PKN2: variants seen among roughly 807,000 people sequenced by gnomAD.
PKN2 encodes serine/threonine-protein kinase N2.
In PKN2, 38 loss-of-function variants were observed where a neutral mutation model predicts 119.1. The observed-to-expected ratio is 0.32, with a 90% confidence interval of 0.25 to 0.42. The LOEUF (loss-of-function observed/expected upper bound fraction) is 0.42. Ranked by LOEUF, PKN2 falls within the 10% of genes least tolerant of loss-of-function variation. The probability of loss-of-function intolerance (pLI) is 1.00; values close to 1 mark genes in which losing one functional copy is unlikely to be tolerated. For synonymous variants in PKN2, 390 were observed against 384.9 expected (o/e 1.01, Z -0.15); for missense variants, 850 against 1,165.1 (o/e 0.73, Z 3.94).
At chr1:88,714,829 G>A (rs1244419458) in intron 1 of PKN2, among the ~76,000 whole-genome samples, 23 of 152,198 alleles carry the variant, frequency 1.5e-4, no homozygotes, top group Admixed American at 1.5e-3. Context: ...AGTGGTGAGA[G>A]AGGGCATCCC....
intron 3 of PKN2, among the ~76,000 whole-genome samples, chr1:88,766,424 C>T (rs528114260): frequency 6.6e-6 from 1 of 152,244 alleles, no homozygotes; most frequent in East Asian, 1.9e-4. Context: ...CCCACTATAG[C>T]TTGCAAAACA....
chr1:88,798,450 G>C (rs1260492155), intron 8 of PKN2, among the ~76,000 whole-genome samples: 1 of 152,036 alleles, frequency 6.6e-6, no homozygotes, highest in Non-Finnish European at 1.5e-5. Flanking sequence ...GAAACGTGGA[G>C]ATGAAACATT....
intron 8 of PKN2, among the ~76,000 whole-genome samples, chr1:88,791,452 G>A (rs907496755): frequency 2.0e-5 from 3 of 151,670 alleles, no homozygotes; most frequent in Non-Finnish European, 2.9e-5. Context: ...AAAGCTGTGT[G>A]TGTGGAGTTG....
intron 15 of PKN2, among the ~76,000 whole-genome samples, chr1:88,809,212 C>A (rs1671684486): frequency 6.6e-6 from 1 of 152,070 alleles, no homozygotes; most frequent in African/African-American, 2.4e-5. Context: ...ATATCTAATA[C>A]TAAAGAGCTT....
intron 6 of PKN2, among the ~76,000 whole-genome samples, chr1:88,774,406 C>T (rs1670007031): frequency 6.6e-6 from 1 of 152,126 alleles, no homozygotes; most frequent in Non-Finnish European, 1.5e-5. Context: ...ATCATTCTTT[C>T]TGGCATGGCC....
chr1:88,771,867 G>A lies in PKN2; in HGVS notation c.973G>A (p.Ala325Thr). 2 of 1,610,894 alleles carry A rather than the reference G, an allele frequency of 1.2e-6. No homozygotes were observed. The highest frequency in any genetic ancestry group is 1.7e-6 in the Non-Finnish European group (2 of 1,177,236). ...QNQYSTLSKP[A>T]ALTGTLEVRL... Reference sequence around the variant, plus strand: ...TCAATATAGTACACTATCCAAACCAGCAGCACTAACAGGTATGTAGTGTAT... The same window carrying A: ...TCAATATAGTACACTATCCAAACCAACAGCACTAACAGGTATGTAGTGTAT... The change falls in exon 6 of 22, where the codon GCA becomes ACA. Residue 325 changes from alanine to threonine, a missense_variant. By Grantham distance (58) the Ala-to-Thr change is moderately conservative (BLOSUM62 0). Coordinates refer to ENST00000370521, the MANE Select transcript of PKN2 (RefSeq NM_006256.4).
At chr1:88,795,153 A>G (rs1368350659) in intron 8 of PKN2, among the ~76,000 whole-genome samples, 1 of 152,190 alleles carries the variant, frequency 6.6e-6, no homozygotes, top group East Asian at 1.9e-4. Flanking sequence ...TAAGACCATC[A>G]GACCTCAGCT....
chr1:88,741,409 T>C, intron 2 of PKN2, 121 bp downstream of exon 2: 1 of 613,004 alleles, frequency 1.6e-6, no homozygotes, highest in Non-Finnish European at 2.6e-6. Flanking sequence ...AGAGAGACTT[T>C]TTCTCTTTTG....
chr1:88,735,474 A>G lies in PKN2; in HGVS notation c.49-5514A>G, dbSNP rs1668301439. ...ATTGTTCCTGGCCTATTTTTTTTTA[A>G]CATTTCTTGTAAGACATATCTGATG... On this transcript the variant is annotated intron_variant, in intron 1 of 21. Transcript: ENST00000370521. Among the ~76,000 whole-genome samples, 2 of 150,456 alleles carry G rather than the reference A, an allele frequency of 1.3e-5. 1 individual carries two copies. The highest frequency in any genetic ancestry group is 3.0e-5 in the Non-Finnish European group (2 of 67,326).
intron 1 of PKN2, among the ~76,000 whole-genome samples, chr1:88,724,981 C>T (rs113355000): frequency 0.04 from 6,035 of 150,960 alleles, 274 homozygotes; most frequent in African/African-American, 0.1. Flanking sequence ...ACTGCAGCCT[C>T]CCCATCCCAG....
At chr1:88,722,367 C>T (rs1347834763) in intron 1 of PKN2, among the ~76,000 whole-genome samples, 2 of 152,150 alleles carry the variant, frequency 1.3e-5, no homozygotes, top group East Asian at 3.8e-4. Flanking sequence ...GTCTTTATTT[C>T]TGATTCTACC....
At chr1:88,791,322 G>C (rs1426230357) in intron 8 of PKN2, among the ~76,000 whole-genome samples, 2 of 151,838 alleles carry the variant, frequency 1.3e-5, no homozygotes, top group African/African-American at 4.8e-5. Flanking sequence ...TGTAATCCCA[G>C]CTAACCTAGG....
chr1:88,792,828 A>G (rs1670901912), intron 8 of PKN2, among the ~76,000 whole-genome samples: 1 of 152,168 alleles, frequency 6.6e-6, no homozygotes, highest in African/African-American at 2.4e-5. Context: ...TTGTAATGTC[A>G]TGATTTTTCT....
intron 12 of PKN2, among the ~76,000 whole-genome samples, chr1:88,806,492 A>G (rs1671546172): frequency 6.6e-6 from 1 of 151,988 alleles, no homozygotes; most frequent in African/African-American, 2.4e-5. Flanking sequence ...CTTATGGTCT[A>G]GTCTCAGCTA....
chr1:88,714,736 C>T (rs1016325551), intron 1 of PKN2, among the ~76,000 whole-genome samples: 4 of 152,120 alleles, frequency 2.6e-5, no homozygotes, highest in Non-Finnish European at 5.9e-5. Context: ...AATTTGACTT[C>T]CTCTTTTCCT....
chr1:88,805,108 C>G (rs988561271), intron 10 of PKN2, among the ~76,000 whole-genome samples, 187 bp downstream of exon 10: 1 of 151,980 alleles, frequency 6.6e-6, no homozygotes, highest in Admixed American at 6.6e-5. Flanking sequence ...TACAGTCACC[C>G]GGCTTCAACA....
At chr1:88,782,967 A>G (rs1670413432) in intron 6 of PKN2, among the ~76,000 whole-genome samples, 1 of 152,322 alleles carries the variant, frequency 6.6e-6, no homozygotes, top group Admixed American at 6.5e-5. Context: ...TACTGCTTTT[A>G]AGATTTGTTA....
chr1:88,738,984 A>G (rs1398079224), intron 1 of PKN2, among the ~76,000 whole-genome samples: 1 of 152,174 alleles, frequency 6.6e-6, no homozygotes, highest in Non-Finnish European at 1.5e-5. Flanking sequence ...AATAGTGAAA[A>G]ATCTAGACAG....
intron 1 of PKN2, among the ~76,000 whole-genome samples, chr1:88,691,447 T>G (rs1415364692): frequency 6.6e-6 from 1 of 152,202 alleles, no homozygotes; most frequent in Non-Finnish European, 1.5e-5. Context: ...AAGGAGGTGT[T>G]TGTTCTCCAT....
Sources: gnomAD v4.1 joint callset for allele counts (sites outside exome capture counted in the v4.1 genomes callset) on GRCh38, gnomAD v4.1.1 for gene constraint, MANE v1.5 for transcripts, NCBI Gene and HGNC (gene_info 2026-07-23, HGNC 2026-07-21) for gene names.